Variants in PTPRT observed in about 807,000 individuals in gnomAD.
PTPRT encodes protein tyrosine phosphatase receptor type T.
In PTPRT, 56 loss-of-function variants were observed where a neutral mutation model predicts 176.8. The observed-to-expected ratio is 0.32, with a 90% CI of 0.26 to 0.40. The LOEUF is 0.40. Among genes scored for constraint, PTPRT ranks in the 10% least tolerant of loss-of-function variants. The pLI is 1.00. For synonymous variants in PTPRT, 783 were observed against 739.0 expected, an observed-to-expected ratio of 1.06 and a Z score of -0.96; for missense variants, 1,540 against 1,908.2, an observed-to-expected ratio of 0.81 and a Z score of 3.60.
At chr20:42,652,548 C>G (rs921422371) in intron 7 of PTPRT, among the ~76,000 whole-genome samples, 1 of 152,160 alleles carries the variant, frequency 6.6e-6, no homozygotes, top group African/African-American at 2.4e-5. Context: ...GCATCCCCCT[C>G]CCCTTCACTC....
chr20:42,796,069 G>C (rs1321145468), intron 2 of PTPRT, among the ~76,000 whole-genome samples: 2 of 152,150 alleles, frequency 1.3e-5, no homozygotes, highest in Non-Finnish European at 2.9e-5. Context: ...GAATACGAAG[G>C]AACAGAGAGG....
In PTPRT at chr20:42,093,819, C is replaced by T. The variant is rs117713286; in HGVS notation, c.3846+4602G>A. On this transcript the variant is annotated intron_variant, in intron 27 of 30. Coordinates refer to ENST00000373187, the MANE Select transcript of PTPRT (RefSeq NM_007050.6). Reference sequence around the variant, plus strand: ...GAACCGCCCCTCCAGGTGCTGAGGGCGGCTTTTCTGATGCTCATCCTGTGT... The same window carrying T: ...GAACCGCCCCTCCAGGTGCTGAGGGTGGCTTTTCTGATGCTCATCCTGTGT... Among the ~76,000 whole-genome samples, 1,261 of 152,334 alleles carry T rather than the reference C, an allele frequency of 8.3e-3. 7 individuals carry two copies. Among genetic ancestry groups the T allele is most frequent in the South Asian group, 0.021 (101 of 4,832 alleles).
At chr20:43,032,052 A>G (rs1267029286) in intron 1 of PTPRT, among the ~76,000 whole-genome samples, 2 of 152,198 alleles carry the variant, frequency 1.3e-5, no homozygotes, top group African/African-American at 4.8e-5. Flanking sequence ...GGCACCACGC[A>G]TGACTATGAG....
chr20:42,118,512 G>A lies in PTPRT; in HGVS notation c.2885-12C>T. On this transcript the variant is annotated splice_polypyrimidine_tract_variant and intron_variant, in intron 20 of 30. Transcript: ENST00000373187. Reference sequence around the variant, plus strand: ...CTCCTGCATCGGACCTGCCAACAGAGAAGACAGTGAGGTTAGAGAATGCAA... The same window carrying A: ...CTCCTGCATCGGACCTGCCAACAGAAAAGACAGTGAGGTTAGAGAATGCAA... 6.3e-7 allele frequency: 1 copy of A among 1,598,178 alleles called. No individual in the cohort carries two copies. The highest frequency in any genetic ancestry group is 8.5e-7 in the Non-Finnish European group (1 of 1,171,568).
intron 7 of PTPRT, among the ~76,000 whole-genome samples, chr20:42,654,285 GC>G (rs1403660927): frequency 1.3e-5 from 2 of 152,160 alleles, no homozygotes; most frequent in African/African-American, 4.8e-5. Context: ...CAAGAATGAT[GC>G]AAGAAGGCTC....
intron 15 of PTPRT, among the ~76,000 whole-genome samples, chr20:42,206,559 A>G (rs1256534622): frequency 6.6e-6 from 1 of 152,204 alleles, no homozygotes; most frequent in East Asian, 1.9e-4. Flanking sequence ...CCACCCGAAT[A>G]CTGCGCATTT....
chr20:42,450,383 C>T (rs545953447), intron 8 of PTPRT, among the ~76,000 whole-genome samples: 1 of 152,336 alleles, frequency 6.6e-6, no homozygotes, highest in Non-Finnish European at 1.5e-5. Flanking sequence ...CTTGCCAACA[C>T]TGACTATTTA....
intron 3 of PTPRT, among the ~76,000 whole-genome samples, chr20:42,781,665 A>C (rs568135965): frequency 1.8e-4 from 28 of 152,240 alleles, no homozygotes; most frequent in Admixed American, 3.9e-4. Flanking sequence ...TAACACTTAA[A>C]ATTCTCAGCA....
chr20:42,122,986 G>A (rs1332717691), intron 19 of PTPRT, among the ~76,000 whole-genome samples: 1 of 152,120 alleles, frequency 6.6e-6, no homozygotes, highest in Non-Finnish European at 1.5e-5. Context: ...GGCCCAGTAG[G>A]GCTTTGTATA....
intron 1 of PTPRT, among the ~76,000 whole-genome samples, chr20:43,088,359 TG>T (rs1292679174): frequency 1.3e-5 from 2 of 150,996 alleles, no homozygotes; most frequent in African/African-American, 4.9e-5. Flanking sequence ...TGTGTGTGTG[TG>T]TGTGTGTGTG....
intron 1 of PTPRT, among the ~76,000 whole-genome samples, chr20:42,898,913 A>G (rs965239125): frequency 2.0e-5 from 3 of 152,202 alleles, no homozygotes; most frequent in African/African-American, 7.2e-5. Flanking sequence ...ACGAGTGAAG[A>G]TGCTTCAAGT....
intron 11 of PTPRT, among the ~76,000 whole-genome samples, chr20:42,318,400 A>G (rs1210170393): frequency 6.6e-6 from 1 of 152,142 alleles, no homozygotes; most frequent in African/African-American, 2.4e-5. Flanking sequence ...ATAACAATAT[A>G]TTCAGGTAAA....
Position 42,383,617 on chromosome 20 carries a change from T to C in PTPRT, c.1561-31332A>G, listed in dbSNP as rs141095903. ...GTGGTAAGAACCCATTAGAGTTGGT[T>C]ACCATTACAGCTATAATAGGAAAAT... On this transcript the variant is annotated intron_variant, in intron 9 of 30. Transcript: ENST00000373187. 1.3e-4 allele frequency among the ~76,000 whole-genome samples: 20 copies of C among 152,258 alleles called. No individual in the cohort carries two copies. The East Asian group carries it at 3.9e-3, about 29-fold the overall frequency.
chr20:42,915,439 G>A (rs6016920), intron 1 of PTPRT, among the ~76,000 whole-genome samples: 6 of 152,274 alleles, frequency 3.9e-5, no homozygotes, highest in East Asian at 3.9e-4. Context: ...CTCCTGGACC[G>A]GGAAAGACTG....
At chr20:43,028,090 T>C (rs572376195) in intron 1 of PTPRT, among the ~76,000 whole-genome samples, 13 of 152,332 alleles carry the variant, frequency 8.5e-5, no homozygotes, top group African/African-American at 2.9e-4. Flanking sequence ...TATCAAATCA[T>C]AAGGCAGACG....
intron 1 of PTPRT, among the ~76,000 whole-genome samples, chr20:43,016,320 A>G (rs1985368482): frequency 6.6e-6 from 1 of 152,104 alleles, no homozygotes; most frequent in Non-Finnish European, 1.5e-5. Flanking sequence ...GCTCTGGCTT[A>G]TAACAGATTC....
chr20:42,348,163 C>A (rs2058222768), intron 11 of PTPRT, among the ~76,000 whole-genome samples: 1 of 152,142 alleles, frequency 6.6e-6, no homozygotes, highest in Non-Finnish European at 1.5e-5. Context: ...TGTGATATTT[C>A]CACTTCTGTC....
intron 1 of PTPRT, among the ~76,000 whole-genome samples, chr20:43,097,999 C>CTA (rs2012237205): frequency 1.3e-5 from 2 of 152,134 alleles, no homozygotes; most frequent in Admixed American, 1.3e-4. Flanking sequence ...GACCCCCAGG[C>CTA]TATGCCTTGG....
Position 42,352,221 on chromosome 20 carries a change from A to G in PTPRT, c.1625T>C (p.Val542Ala), listed in dbSNP as rs199901278. The G allele has an allele frequency of 3.7e-6, 6 of 1,614,120 alleles. No individual in the cohort carries two copies. Among genetic ancestry groups the G allele is most frequent in the Middle Eastern group, 1.6e-4 (1 of 6,062 alleles). Residue 542 changes from valine to alanine, a missense_variant, in exon 10 of 31, where the codon GTG becomes GCG. Around this residue, in one of 11 missense-constraint regions of PTPRT, gnomAD observed 136 missense variants for 135.0 expected, o/e 1.01. Coordinates refer to ENST00000373187, the MANE Select transcript of PTPRT (RefSeq NM_007050.6). ...SADLSSQRGK[V>A]FKLRNETHHL... ...GTGGGTTTCATTCCGGAGCTTGAAC[A>G]CTTTCCCCCTCTGGCTCGAGAGGTC...
Sources: gnomAD v4.1 joint callset for allele counts (sites outside exome capture counted in the v4.1 genomes callset) on GRCh38, gnomAD v4.1.1 for gene constraint, gnomAD v4.1.1 regional missense constraint, MANE v1.5 for transcripts, NCBI Gene and HGNC (gene_info 2026-07-23, HGNC 2026-07-21) for gene names.